ABLIM2: variants seen among roughly 807,000 people sequenced by gnomAD.
ABLIM2 encodes actin-binding LIM protein 2.
Under a neutral mutation model 97.7 loss-of-function variants are expected in ABLIM2, and 53 were observed. That is an observed-to-expected ratio of 0.54 (90% CI 0.44 to 0.68). The LOEUF is 0.68. ABLIM2 is among the 30% of genes least tolerant of loss of function. The probability of loss-of-function intolerance (pLI) is 0.00; values close to 1 mark genes in which losing one functional copy is unlikely to be tolerated. For missense variants in ABLIM2, 835 were observed against 867.2 expected (o/e 0.96, Z 0.47); for synonymous variants, 361 against 345.8 (o/e 1.04, Z -0.49).
At position 8,027,843 on chromosome 4, in the gene ABLIM2, C is replaced by T. The variant is rs755697329; in HGVS notation, c.1183G>A (p.Val395Met). 4 of 1,595,510 alleles carry T rather than the reference C, an allele frequency of 2.5e-6. No individual in the cohort carries two copies. Among genetic ancestry groups the T allele is most frequent in the Non-Finnish European group, 2.6e-6 (3 of 1,171,840 alleles). The change falls in exon 12 of 21, where the codon GTG becomes ATG. Residue 395 changes from valine (V) to methionine (M), a missense_variant. Physicochemically the swap from Val to Met is conservative, Grantham distance 21. Coordinates refer to ENST00000447017, the MANE Select transcript of ABLIM2 (RefSeq NM_001130083.2). ...HYSRPAGTVSVGTSSCLSLSQ... is the reference protein window; with the variant it reads ...HYSRPAGTVSMGTSSCLSLSQ... ...AGGGAGAGGCAGCTACTGGTACCCA[C>T]ACTCACAGTACCAGCTACGGGGTAA... is the stretch of plus-strand genomic sequence containing the variant.
chr4:8,133,552 G>A (rs188153233), intron 1 of ABLIM2, among the ~76,000 whole-genome samples: 8 of 152,258 alleles, frequency 5.3e-5, no homozygotes, highest in African/African-American at 1.4e-4. Flanking sequence ...TCTTTGGGGC[G>A]CACTAGGCCT....
At position 8,039,880 on chromosome 4, in the gene ABLIM2, T is replaced by TG. The variant is rs1579456643; in HGVS notation, c.901-3586_901-3585insC. Among the ~76,000 whole-genome samples the TG allele has an allele frequency of 3.5e-5, 5 of 141,562 alleles. No individual in the cohort carries two copies. The East Asian group carries it at 8.9e-4, about 25-fold the overall frequency. 92.9% of individuals were successfully genotyped at this position (141,562 alleles called of 152,430 possible). Reference sequence around the variant, plus strand: ...CTCTGGTGTGCTGATTACTGTTTTTTTTTTTTTTTTTTTTTTAATAAATGC... The same window carrying TG: ...CTCTGGTGTGCTGATTACTGTTTTTTGTTTTTTTTTTTTTTTTAATAAATGC... On this transcript the variant is annotated intron_variant, in intron 9 of 20. Transcript: ENST00000447017.
intron 1 of ABLIM2, among the ~76,000 whole-genome samples, chr4:8,117,328 C>T (rs73075958): frequency 0.02 from 3,066 of 152,274 alleles, 109 homozygotes; most frequent in African/African-American, 0.069. Flanking sequence ...TGCGACTAAC[C>T]GATTTGCAGC....
intron 18 of ABLIM2, 126 bp downstream of exon 18, chr4:7,984,713 G>A: frequency 1.9e-6 from 2 of 1,043,638 alleles, no homozygotes; most frequent in Non-Finnish European, 2.8e-6. Flanking sequence ...CCCCCGAGGT[G>A]TCCCCGCCCG....
In ABLIM2 at chr4:8,155,124, G is replaced by C. The variant is rs557194277; in HGVS notation, c.10+3556C>G. 1.3e-5 allele frequency among the ~76,000 whole-genome samples: 2 copies of C among 152,194 alleles called. No individual in the cohort carries two copies. Among genetic ancestry groups the C allele is most frequent in the East Asian group, 1.9e-4 (1 of 5,192 alleles). On this transcript the variant is annotated intron_variant, in intron 1 of 20. Transcript: ENST00000447017. This position sits in a 1 kb window ranked among gnomAD's most constrained non-coding sequence, Gnocchi z 4.2. ...ATGTGGGTGGGGACACAGCCAGACC[G>C]TATCAGCTCATAGTAGGCATTTTGT... is the stretch of plus-strand genomic sequence containing the variant.
intron 8 of ABLIM2, among the ~76,000 whole-genome samples, chr4:8,052,826 C>A (rs1796888707): frequency 6.6e-6 from 1 of 152,262 alleles, no homozygotes; most frequent in Non-Finnish European, 1.5e-5. Context: ...CAAACAAGAG[C>A]CCAGACTTGC....
At chr4:8,051,470 T>A (rs907259889) in intron 8 of ABLIM2, among the ~76,000 whole-genome samples, 1 of 146,828 alleles carries the variant, frequency 6.8e-6, no homozygotes, top group Non-Finnish European at 1.5e-5. Context: ...GGCTGAAGAA[T>A]AGCTTGAATC....
intron 12 of ABLIM2, among the ~76,000 whole-genome samples, chr4:8,025,936 G>A (rs1449685327): frequency 3.3e-5 from 5 of 152,238 alleles, no homozygotes; most frequent in South Asian, 2.1e-4. Flanking sequence ...CACGACTGCC[G>A]TGGACCACAC....
In ABLIM2 at chr4:7,965,827, C is replaced by T. The variant is rs1000187383; in HGVS notation, c.*1163G>A. ...ATCTCCATCCTTCTCTCCCCAACAG[C>T]GTGTGGTTGTCTGTTTCAGGGAGCA... On this transcript the variant is annotated 3_prime_UTR_variant, in exon 21 of 21. Transcript: ENST00000447017. 1.3e-5 allele frequency: 2 copies of T among 152,228 alleles called. No individual in the cohort carries two copies. The highest frequency in any genetic ancestry group is 1.9e-4 in the East Asian group (1 of 5,196). The allele number at this position is 152,228 out of a possible 1,614,324, so 9.4% of individuals were successfully genotyped here.
intron 1 of ABLIM2, among the ~76,000 whole-genome samples, chr4:8,115,726 C>G (rs1025325519): frequency 6.6e-6 from 1 of 152,194 alleles, no homozygotes; most frequent in Non-Finnish European, 1.5e-5. Context: ...GTCGACCCTT[C>G]TCCTATTACC....
At chr4:8,107,409 T>C (rs1039081469) in intron 1 of ABLIM2, among the ~76,000 whole-genome samples, 1 of 152,204 alleles carries the variant, frequency 6.6e-6, no homozygotes, top group Non-Finnish European at 1.5e-5. Flanking sequence ...CCAGTGGGCA[T>C]TAGGGATGGC....
chr4:7,995,792 C>T (rs1752893159), intron 16 of ABLIM2, among the ~76,000 whole-genome samples: 1 of 152,212 alleles, frequency 6.6e-6, no homozygotes, highest in Non-Finnish European at 1.5e-5. Context: ...GGAAGACAGA[C>T]ATGTGAGAGG....
At position 8,130,830 on chromosome 4, in the gene ABLIM2, C is replaced by T. The variant is rs1849253464; in HGVS notation, c.11-24193G>A. ...ATGTCAAGGCAGCCCCAAGGCCGAG[C>T]TCCCCGAAGGCTCTAGGGCAGGCTG... On this transcript the variant is annotated intron_variant, in intron 1 of 20. Transcript: ENST00000447017. This position sits in a 1 kb window ranked among gnomAD's most constrained non-coding sequence, Gnocchi z 4.2. 6.6e-6 allele frequency among the ~76,000 whole-genome samples: 1 copy of T among 152,226 alleles called. No individual in the cohort carries two copies. Among genetic ancestry groups the T allele is most frequent in the African/African-American group, 2.4e-5 (1 of 41,446 alleles).
chr4:8,080,227 T>C (rs1005688909), intron 5 of ABLIM2, among the ~76,000 whole-genome samples: 1 of 152,182 alleles, frequency 6.6e-6, no homozygotes, highest in Admixed American at 6.5e-5. Context: ...GCCCCAGCCC[T>C]GACACCTGGG....
At chr4:8,009,250 A>T (rs1375040067) in intron 14 of ABLIM2, 148 bp from the exon 15 acceptor site, 12 of 958,156 alleles carry the variant, frequency 1.3e-5, no homozygotes, top group Non-Finnish European at 1.9e-5. Flanking sequence ...AGGGCAAGGA[A>T]CAAGGTAAGC....
chr4:8,048,504 GGGC>G (rs144478460), intron 8 of ABLIM2, among the ~76,000 whole-genome samples: 6,804 of 152,206 alleles, frequency 0.045, 398 homozygotes, highest in African/African-American at 0.14. Context: ...GGCTCAGAGA[GGGC>G]TAGTGACTTG....
Position 7,984,838 on chromosome 4 carries a change from C to T in ABLIM2, c.1735+1G>A. 2 of 1,599,008 alleles carry T rather than the reference C, an allele frequency of 1.3e-6. No individual in the cohort carries two copies. Among genetic ancestry groups the T allele is most frequent in the Non-Finnish European group, 1.7e-6 (2 of 1,173,224 alleles). On this transcript the variant is annotated splice_donor_variant, in intron 18 of 20. Transcript: ENST00000447017. LOFTEE classifies it high-confidence loss of function. ...ACCCACAGGGTCCCCGCTCTGTGTA[C>T]CTCGCATGCCCCAGCTGGCATCCGG...
Position 7,999,010 on chromosome 4 carries a change from T to C in ABLIM2, c.1619-6083A>G, listed in dbSNP as rs372412596. Reference sequence around the variant, plus strand: ...TCTGTTGGGGTGGACCAGCAATCTGTAGATGTTAAAGGTCCCAGGGATGCT... The same window carrying C: ...TCTGTTGGGGTGGACCAGCAATCTGCAGATGTTAAAGGTCCCAGGGATGCT... On this transcript the variant is annotated intron_variant, in intron 16 of 20. Coordinates refer to ENST00000447017, the MANE Select transcript of ABLIM2 (RefSeq NM_001130083.2). This position sits in a 1 kb window ranked among gnomAD's most constrained non-coding sequence, Gnocchi z 4.4. Among the ~76,000 whole-genome samples, 24 of 152,188 alleles carry C rather than the reference T, an allele frequency of 1.6e-4. No individual in the cohort carries two copies. Among genetic ancestry groups the C allele is most frequent in the African/African-American group, 5.8e-4 (24 of 41,430 alleles).
At chr4:8,146,827 G>A (rs1851876965) in intron 1 of ABLIM2, among the ~76,000 whole-genome samples, 1 of 143,962 alleles carries the variant, frequency 6.9e-6, no homozygotes, top group Non-Finnish European at 1.5e-5. Flanking sequence ...ACCATGCCCA[G>A]TCAACAAATG....
Sources: allele counts gnomAD v4.1 joint callset (sites outside exome capture counted in the v4.1 genomes callset), GRCh38; gene constraint gnomAD v4.1.1; non-coding constraint Gnocchi (gnomAD v3.1); transcripts MANE v1.5; gene names NCBI Gene and HGNC (gene_info 2026-07-23, HGNC 2026-07-21).